COL15A1: variants seen among roughly 807,000 people sequenced by gnomAD.
COL15A1 encodes the protein collagen alpha-1(XV) chain.
A neutral mutation model predicts 165.9 loss-of-function variants in COL15A1; 111 were observed. The ratio of observed to expected loss-of-function variants is 0.67; its 90% CI spans 0.57 to 0.78. The LOEUF (loss-of-function observed/expected upper bound fraction) is 0.78, where lower values mean the gene tolerates loss of function less well. Ranked by LOEUF, COL15A1 falls within the 30% of genes least tolerant of loss-of-function variation. COL15A1 has a pLI of 0.00. For missense variants in COL15A1, 1,745 were observed against 1,789.7 expected (o/e 0.98, Z 0.45); for synonymous variants, 659 against 674.8 (o/e 0.98, Z 0.36).
rs2119021892 is a variant in COL15A1 at position 99,026,021 on chromosome 9, T to C, written c.2043+55T>C. 13 of 1,522,302 alleles carry C rather than the reference T, an allele frequency of 8.5e-6. No individual in the cohort carries two copies. The South Asian group carries it at 1.3e-4, about 15-fold the overall frequency. 94.3% of individuals were successfully genotyped at this position (1,522,302 alleles called of 1,614,324 possible). Reference sequence around the variant, plus strand: ...ATGGGAGCCACCAGGCCCACACTACTCTCTCTGACCCCTAAACCTGACCTT... The same window carrying C: ...ATGGGAGCCACCAGGCCCACACTACCCTCTCTGACCCCTAAACCTGACCTT... On this transcript the variant is annotated intron_variant, in intron 16 of 41. Coordinates refer to ENST00000375001, the MANE Select transcript of COL15A1 (RefSeq NM_001855.5).
chr9:98,982,972 C>T (rs1838254583), intron 2 of COL15A1, among the ~76,000 whole-genome samples: 1 of 152,160 alleles, frequency 6.6e-6, no homozygotes, highest in Admixed American at 6.5e-5. Flanking sequence ...TGGCATGTGC[C>T]AGCACTTTGT....
chr9:98,971,989 G>C (rs1838064910), intron 2 of COL15A1, among the ~76,000 whole-genome samples: 1 of 152,228 alleles, frequency 6.6e-6, no homozygotes, highest in Non-Finnish European at 1.5e-5. Context: ...CTGACAGCTT[G>C]AGAGTGCCCC....
intron 2 of COL15A1, among the ~76,000 whole-genome samples, chr9:98,976,518 AGCAT>A (rs1838144214): frequency 6.6e-6 from 1 of 152,156 alleles, no homozygotes; most frequent in Admixed American, 6.5e-5. Context: ...CAGTGGATCC[AGCAT>A]CGTGGAGATG....
chr9:98,949,996 C>G (rs1447156680), intron 2 of COL15A1, among the ~76,000 whole-genome samples: 4 of 152,200 alleles, frequency 2.6e-5, no homozygotes, highest in Non-Finnish European at 5.9e-5. Context: ...ATGGTTCACT[C>G]ATGTTGTATC....
chr9:99,026,600 G>A (rs1022689985), intron 16 of COL15A1, among the ~76,000 whole-genome samples: 3 of 152,096 alleles, frequency 2.0e-5, no homozygotes, highest in Non-Finnish European at 2.9e-5. Context: ...CTTGGCCAGT[G>A]GGCTGGTTCT....
intron 39 of COL15A1, among the ~76,000 whole-genome samples, chr9:99,066,196 G>GAA (rs1664580363): frequency 6.6e-6 from 1 of 151,308 alleles, no homozygotes; most frequent in South Asian, 2.1e-4. Context: ...GGCTGAGAGA[G>GAA]GGCAGTAGTA....
intron 2 of COL15A1, among the ~76,000 whole-genome samples, chr9:98,975,598 T>C (rs956450486): frequency 6.6e-6 from 1 of 152,214 alleles, no homozygotes; most frequent in Non-Finnish European, 1.5e-5. Flanking sequence ...CTTTGGACCC[T>C]TGGGAGGAAA....
chr9:98,998,249 G>A (rs574001913), intron 6 of COL15A1, among the ~76,000 whole-genome samples: 19 of 152,142 alleles, frequency 1.2e-4, no homozygotes, highest in South Asian at 1.2e-3. Flanking sequence ...TTGTACTTCC[G>A]TATTTTATTA....
In COL15A1 at chr9:98,985,574, C is replaced by T. The variant is rs1355684458; in HGVS notation, c.110C>T (p.Ser37Phe). The T allele has an allele frequency of 6.2e-7, 1 of 1,611,748 alleles. No individual in the cohort carries two copies. The highest frequency in any genetic ancestry group is 1.7e-5 in the Admixed American group (1 of 59,998). ...TQTRGATETA[S>F]QGHLDLTQLI... The stretch of plus-strand genomic sequence containing the variant: ...CTCTCCCTCCCTGCAGAGACTGCTT[C>T]CCAGGGTCACCTGGACCTCACGCAG... Residue 37 changes from serine (S) to phenylalanine (F), a missense_variant, in exon 3 of 42, where the codon TCC (serine) becomes TTC (phenylalanine). Physicochemically the swap from Ser to Phe is radical, Grantham distance 155 (BLOSUM62 -2). Coordinates refer to ENST00000375001, the MANE Select transcript of COL15A1 (RefSeq NM_001855.5).
At chr9:99,025,758 G>A in intron 15 of COL15A1, 146 bp from the exon 16 acceptor site, 2 of 774,114 alleles carry the variant, frequency 2.6e-6, no homozygotes, top group Non-Finnish European at 4.5e-6. Flanking sequence ...CTGGGCCAAG[G>A]ACTAGGTTCC....
At chr9:99,021,032 CA>C (rs1266160315) in intron 12 of COL15A1, among the ~76,000 whole-genome samples, 1 of 152,208 alleles carries the variant, frequency 6.6e-6, no homozygotes, top group East Asian at 1.9e-4. Flanking sequence ...TTCCTCTTAC[CA>C]AAACACCTAT....
intron 5 of COL15A1, among the ~76,000 whole-genome samples, chr9:98,996,230 T>C (rs923180468): frequency 6.6e-6 from 1 of 152,228 alleles, no homozygotes; most frequent in Non-Finnish European, 1.5e-5. Flanking sequence ...GATTCTTCCA[T>C]GCACCCCCAG....
rs148645721 is a variant in COL15A1, at chr9:99,045,935, A to C, written c.2679+1165A>C. Among the ~76,000 whole-genome samples, 852 of 152,340 alleles carry C rather than the reference A, an allele frequency of 5.6e-3. 4 individuals are homozygous for C. Among genetic ancestry groups the C allele is most frequent in the Non-Finnish European group, 8.1e-3 (550 of 68,026 alleles). ...CTTGTATCCTTGAAGAATGGCCTGT[A>C]ACTTTCGAGGTGAATCCTTCAAAAG... On this transcript the variant is annotated intron_variant, in intron 26 of 41. Coordinates refer to ENST00000375001, the MANE Select transcript of COL15A1 (RefSeq NM_001855.5).
chr9:98,997,174 A>C, intron 6 of COL15A1, 93 bp downstream of exon 6: 1,247 of 1,427,122 alleles, frequency 8.7e-4, no homozygotes, highest in Non-Finnish European at 1.1e-3. Context: ...ACAGAATCTC[A>C]TTTAACCTTC....
chr9:99,060,613 C>T (rs575899422), intron 36 of COL15A1, among the ~76,000 whole-genome samples: 86 of 152,082 alleles, frequency 5.7e-4, no homozygotes, highest in African/African-American at 2.0e-3. Flanking sequence ...TGCTCGGGTG[C>T]GGTGGCTCAC....
intron 26 of COL15A1, among the ~76,000 whole-genome samples, chr9:99,045,086 G>T (rs927038427): frequency 6.6e-6 from 1 of 152,114 alleles, no homozygotes; most frequent in African/African-American, 2.4e-5. Context: ...ATTCAAGGTC[G>T]CACAGGAGCT....
intron 31 of COL15A1, among the ~76,000 whole-genome samples, chr9:99,054,257 A>G (rs1282479131): frequency 2.6e-5 from 4 of 152,208 alleles, no homozygotes; most frequent in African/African-American, 9.7e-5. Context: ...GCACTGACCA[A>G]GCCAGGGTTA....
Position 99,025,882 on chromosome 9 carries a change from G to C in COL15A1, c.1981-22G>C, listed in dbSNP as rs766486187. Reference sequence around the variant, plus strand: ...ATATTTAGCAGAAATGTTGTGGGTTGATTGTCACTGATGTTCCCCAGGGCC... The same window carrying C: ...ATATTTAGCAGAAATGTTGTGGGTTCATTGTCACTGATGTTCCCCAGGGCC... On this transcript the variant is annotated intron_variant, in intron 15 of 41. Coordinates refer to ENST00000375001, the MANE Select transcript of COL15A1 (RefSeq NM_001855.5). 11 of 1,610,704 alleles carry C rather than the reference G, an allele frequency of 6.8e-6. 1 individual carries two copies. In the South Asian group the frequency reaches 1.2e-4, roughly 18 times the overall value.
intron 9 of COL15A1, among the ~76,000 whole-genome samples, chr9:99,013,630 T>A (rs921069611): frequency 1.5e-4 from 23 of 151,720 alleles, no homozygotes; most frequent in African/African-American, 4.8e-5. Context: ...CATCCACCAT[T>A]ATACACACTA....
Sources: allele counts gnomAD v4.1 joint callset (sites outside exome capture counted in the v4.1 genomes callset), GRCh38; gene constraint gnomAD v4.1.1; transcripts MANE v1.5; gene names NCBI Gene and HGNC (gene_info 2026-07-23, HGNC 2026-07-21).